HSF4: variants seen among roughly 807,000 people sequenced by gnomAD.
The protein encoded by HSF4 is heat shock transcription factor 4.
Under a neutral mutation model 52.0 loss-of-function variants are expected in HSF4, and 41 were observed. The observed-to-expected ratio is 0.79, with a 90% CI of 0.61 to 1.02. The LOEUF is 1.02. HSF4 is among the 50% of genes least tolerant of loss of function. HSF4 has a pLI of 0.00. For missense variants in HSF4, 610 were observed against 651.1 expected (o/e 0.94, Z 0.69); for synonymous variants, 285 against 273.0 (o/e 1.04, Z -0.43).
At chr16:67,168,685 T>G (rs988380285) in intron 9 of HSF4, 146 bp from the exon 10 acceptor site, 25 of 652,830 alleles carry the variant, frequency 3.8e-5, no homozygotes, top group Admixed American at 7.4e-5. Flanking sequence ...ATGGCAGGAG[T>G]GGGGAGGTTG....
At chr16:67,166,923 TC>T (rs1012309657) in intron 6 of HSF4, among the ~76,000 whole-genome samples, 196 bp from the exon 7 acceptor site, 2 of 151,694 alleles carry the variant, frequency 1.3e-5, no homozygotes, top group African/African-American at 4.9e-5. Flanking sequence ...GTTCCCTCCC[TC>T]CCCTCTCTAC....
At chr16:67,166,976 C>A in intron 6 of HSF4, 144 bp from the exon 7 acceptor site, 1 of 1,147,620 alleles carries the variant, frequency 8.7e-7, no homozygotes. Context: ...CCTTCCACCT[C>A]CAGCATGTGA....
At chr16:67,166,225 G>A (rs2031280040) in intron 4 of HSF4, 95 bp from the exon 5 acceptor site, 3 of 1,404,312 alleles carry the variant, frequency 2.1e-6, no homozygotes, top group African/African-American at 1.4e-5. Context: ...CCAGTCAGCG[G>A]GGTGGTCTCC....
At chr16:67,164,586 C>CCTCCACTCCA (rs748286546), upstream of HSF4, 12 of 522,224 alleles carry the variant, frequency 2.3e-5, no homozygotes, top group African/African-American at 1.2e-4. Context: ...CCACCCCACC[C>CCTCCACTCCA]CTCCACTCCA....
chr16:67,167,798 A>G lies in HSF4; in HGVS notation c.933A>G (p.Pro311=), dbSNP rs2031419335. The change falls in exon 9 of 13, where the codon CCA becomes CCG. Residue 311 remains proline, a synonymous_variant. Coordinates refer to ENST00000521374, the MANE Select transcript of HSF4 (RefSeq NM_001374675.1). ...GCGAGGCCGGGCTGGCCCTGGCCCC[A>G]AACGAGTGTGACTTCTGCGTGACAG... ...GDGEAGLALA[P]NECDFCVTAP... 6 of 1,598,092 alleles carry G rather than the reference A, an allele frequency of 3.8e-6. 1 individual carries two copies. In the East Asian group the frequency reaches 1.4e-4, roughly 36 times the overall value.
chr16:67,167,306 G>A (rs1271116133), intron 7 of HSF4, 84 bp downstream of exon 7: 5 of 1,609,660 alleles, frequency 3.1e-6, no homozygotes, highest in Admixed American at 3.4e-5. Flanking sequence ...CTAAAAGGAA[G>A]AGAAGATGGA....
At chr16:67,164,095 G>A (rs1282851246), upstream of HSF4, 2 of 685,624 alleles carry the variant, frequency 2.9e-6, no homozygotes, top group African/African-American at 3.5e-5. Flanking sequence ...GCAGCTCCGC[G>A]GCCCCGGCGC....
chr16:67,168,863 G>A lies in HSF4; in HGVS notation c.1115G>A (p.Ser372Asn), dbSNP rs897506274. 6 of 1,613,846 alleles carry A rather than the reference G, an allele frequency of 3.7e-6. No individual in the cohort carries two copies. Among genetic ancestry groups the A allele is most frequent in the African/African-American group, 1.3e-5 (1 of 74,934 alleles). Residue 372 changes from serine (S) to asparagine (N), a missense_variant, in exon 10 of 13, where the codon AGC becomes AAC. Transcript: ENST00000521374. ...CTGGGCCTGGAAAGCGGGGACAGGA[G>A]CCCAGAGAGTCTGCTGCCTCCGATG... Reference protein sequence around the residue: ...GPLGLESGDRSPESLLPPMLL... With the variant: ...GPLGLESGDRNPESLLPPMLL...
At position 67,169,002 on chromosome 16, in the gene HSF4, G is replaced by A. The variant is rs745533083; in HGVS notation, c.1189-34G>A. The A allele has an allele frequency of 1.2e-6, 2 of 1,613,036 alleles. No homozygotes were observed. The highest frequency in any genetic ancestry group is 1.7e-6 in the Non-Finnish European group (2 of 1,179,248). Reference sequence around the variant, plus strand: ...TGGGGTCTAGCTCTCTGTGGAGCCTGGGGAGGGCACCACTGACCCAGAGCT... The same window carrying A: ...TGGGGTCTAGCTCTCTGTGGAGCCTAGGGAGGGCACCACTGACCCAGAGCT... On this transcript the variant is annotated intron_variant, in intron 10 of 12. Coordinates refer to ENST00000521374, the MANE Select transcript of HSF4 (RefSeq NM_001374675.1). The surrounding 1 kb of genome is among the most constrained non-coding windows in gnomAD (Gnocchi z 4.3).
upstream of HSF4, chr16:67,164,549 T>TCTCAC (rs1272291263): frequency 1.6e-6 from 1 of 616,052 alleles, no homozygotes; most frequent in East Asian, 3.3e-5. Context: ...CTCCCACTCA[T>TCTCAC]CTCACCCCAC....
At chr16:67,166,459 TC>T in intron 5 of HSF4, 64 bp downstream of exon 5, 7 of 1,591,026 alleles carry the variant, frequency 4.4e-6, no homozygotes, top group Non-Finnish European at 1.7e-6. Flanking sequence ...CACCGCCCAG[TC>T]CCCCGGCGCC....
chr16:67,169,063 G>C lies in HSF4; in HGVS notation c.1216G>C (p.Glu406Gln). The change falls in exon 11 of 13, where the codon GAA becomes CAA. Residue 406 changes from glutamate (E) to glutamine (Q), a missense_variant. Coordinates refer to ENST00000521374, the MANE Select transcript of HSF4 (RefSeq NM_001374675.1). This position sits in a 1 kb window ranked among gnomAD's most constrained non-coding sequence, Gnocchi z 4.3. ...DVLGPSLQGREWTLMDLDMEL... is the reference protein window; with the variant it reads ...DVLGPSLQGRQWTLMDLDMEL... ...GCTGGGCCCCAGTCTCCAAGGGCGA[G>C]AATGGACCCTGATGGACTTGGACAT... The C allele has an allele frequency of 6.2e-7, 1 of 1,613,838 alleles. No homozygotes were observed. Among genetic ancestry groups the C allele is most frequent in the Non-Finnish European group, 8.5e-7 (1 of 1,180,024 alleles).
chr16:67,167,968 C>T (rs1050289897), intron 9 of HSF4, 21 bp downstream of exon 9: 3 of 1,547,532 alleles, frequency 1.9e-6, no homozygotes, highest in Middle Eastern at 1.7e-4. Flanking sequence ...CCCCAGCTGG[C>T]CCATGAGCCC....
chr16:67,166,902 G>A (rs1004794090), intron 6 of HSF4, among the ~76,000 whole-genome samples: 3 of 152,014 alleles, frequency 2.0e-5, no homozygotes, highest in African/African-American at 4.8e-5. Flanking sequence ...AGACCCTGGG[G>A]CTCAAACCAG....
rs893581888 is a variant in HSF4, at chr16:67,169,741, C to T, written c.1435C>T (p.Arg479Trp). The T allele has an allele frequency of 2.5e-6, 4 of 1,613,082 alleles. No individual in the cohort carries two copies. Among genetic ancestry groups the T allele is most frequent in the East Asian group, 4.5e-5 (2 of 44,856 alleles). ...ALTIYSTPES[R>W]TASYLGPEAS... is the part of the protein sequence containing the mutation. ...AACCATTTATAGCACTCCTGAGAGC[C>T]GGACTGCCTCCTACTTGGGCCCGGA... The change falls in exon 13 of 13, where the codon CGG becomes TGG. Residue 479 changes from arginine to tryptophan, a missense_variant. Arg to Trp is a moderately radical substitution (Grantham distance 101). Coordinates refer to ENST00000521374, the MANE Select transcript of HSF4 (RefSeq NM_001374675.1). The surrounding 1 kb of genome is among the most constrained non-coding windows in gnomAD (Gnocchi z 4.3).
chr16:67,164,070 C>G (rs1000740498), upstream of HSF4: 11 of 702,348 alleles, frequency 1.6e-5, no homozygotes, highest in Admixed American at 2.0e-4. Context: ...TTGCCTCCAC[C>G]CCTCTGCGGA....
chr16:67,167,037 TGAGG>T (rs2031355016), intron 6 of HSF4, 79 bp from the exon 7 acceptor site: 5 of 1,596,488 alleles, frequency 3.1e-6, no homozygotes, highest in Admixed American at 1.7e-5. Context: ...TGCTGGGGCC[TGAGG>T]GAGGGAGGGA....
chr16:67,165,947 T>G lies in HSF4; in HGVS notation c.362T>G (p.Val121Gly). 1 of 1,574,684 alleles carries G rather than the reference T, an allele frequency of 6.4e-7. No homozygotes were observed. The highest frequency in any genetic ancestry group is 8.6e-7 in the Non-Finnish European group (1 of 1,168,942). Reference protein sequence around the residue: ...EQLLERVRRKVPALRGDDGRW... With the variant: ...EQLLERVRRKGPALRGDDGRW... ...CCCGACGGTGCCTCCCGCCTGCAGG[T>G]GCCCGCGCTGCGCGGCGACGACGGC... The change falls in exon 4 of 13, where the codon GTG becomes GGG. Residue 121 changes from valine to glycine, a missense_variant and splice_region_variant. Coordinates refer to ENST00000521374, the MANE Select transcript of HSF4 (RefSeq NM_001374675.1). The surrounding 1 kb of genome is among the most constrained non-coding windows in gnomAD (Gnocchi z 6.9).
chr16:67,169,423 A>G lies in HSF4; in HGVS notation c.1324+75A>G. The stretch of plus-strand genomic sequence containing the variant: ...GCTACCTTGATTGAGTGAGGGGGCA[A>G]TCTGCAATTTGCAGGGAAATCCTGA... On this transcript the variant is annotated intron_variant, in intron 12 of 12. Coordinates refer to ENST00000521374, the MANE Select transcript of HSF4 (RefSeq NM_001374675.1). This position sits in a 1 kb window ranked among gnomAD's most constrained non-coding sequence, Gnocchi z 4.3. 2 of 1,576,456 alleles carry G rather than the reference A, an allele frequency of 1.3e-6. No homozygotes were observed. Among genetic ancestry groups the G allele is most frequent in the Non-Finnish European group, 8.6e-7 (1 of 1,161,000 alleles).
Sources: gnomAD v4.1 joint callset for allele counts (sites outside exome capture counted in the v4.1 genomes callset) on GRCh38, gnomAD v4.1.1 for gene constraint, Gnocchi (gnomAD v3.1) non-coding constraint, MANE v1.5 for transcripts, NCBI Gene and HGNC (gene_info 2026-07-23, HGNC 2026-07-21) for gene names.